DNAH8: variants seen among roughly 807,000 people sequenced by gnomAD.
DNAH8 encodes dynein axonemal heavy chain 8.
In DNAH8, 382 loss-of-function variants were observed where a neutral mutation model predicts 562.1. That is an observed-to-expected ratio of 0.68 (90% CI 0.63 to 0.74). DNAH8 has a LOEUF of 0.74. DNAH8 is among the 30% of genes least tolerant of loss of function. The probability of loss-of-function intolerance (pLI) is 0.00; values close to 1 mark genes in which losing one functional copy is unlikely to be tolerated. For missense variants in DNAH8, 5,203 were observed against 5,620.4 expected (o/e 0.93, Z 2.37); for synonymous variants, 1,881 against 1,919.4 (o/e 0.98, Z 0.52).
intron 18 of DNAH8, among the ~76,000 whole-genome samples, chr6:38,787,479 A>G (rs9380772): frequency 0.11 from 16,778 of 152,050 alleles, 1,344 homozygotes; most frequent in East Asian, 0.37. Context: ...TAATCCCAGC[A>G]CTTTGGGAGG....
rs540607923 is a variant in DNAH8 at position 38,772,281 on chromosome 6, A to G, written c.1764+1722A>G. 1.5e-3 allele frequency among the ~76,000 whole-genome samples: 220 copies of G among 150,830 alleles called. 2 individuals are homozygous for G. Among genetic ancestry groups the G allele is most frequent in the African/African-American group, 5.2e-3 (214 of 41,090 alleles). On this transcript the variant is annotated intron_variant, in intron 12 of 92. Coordinates refer to ENST00000327475, the MANE Select transcript of DNAH8 (RefSeq NM_001206927.2). ...CTGACCTTGTGATCCACCCACCTCG[A>G]CCTCCCAAAGTGCTGGGATTACAGG...
chr6:38,768,140 A>G (rs1334294400), intron 11 of DNAH8, among the ~76,000 whole-genome samples: 3 of 151,586 alleles, frequency 2.0e-5, no homozygotes, highest in Admixed American at 1.3e-4. Context: ...TCCATTTTTG[A>G]ATTGGGTTGT....
At chr6:38,945,935 T>A (rs912020567) in intron 80 of DNAH8, among the ~76,000 whole-genome samples, 3 of 152,232 alleles carry the variant, frequency 2.0e-5, no homozygotes, top group African/African-American at 7.2e-5. Context: ...AAGTGATTTG[T>A]ACAGATTTGA....
At chr6:38,823,431 T>A (rs769561867) in intron 27 of DNAH8, 131 bp from the exon 28 acceptor site, 302 of 677,816 alleles carry the variant, frequency 4.5e-4, no homozygotes, top group South Asian at 5.7e-4. Flanking sequence ...GACACCCTAT[T>A]TCTTACCCAG....
chr6:38,782,376 G>A (rs1487169838), intron 16 of DNAH8, among the ~76,000 whole-genome samples: 1 of 152,092 alleles, frequency 6.6e-6, no homozygotes, highest in Non-Finnish European at 1.5e-5. Context: ...CGCATCCTGG[G>A]TTCAAGCAAT....
chr6:38,837,889 T>C (rs1046981529), intron 32 of DNAH8, 53 bp from the exon 33 acceptor site: 2 of 1,250,278 alleles, frequency 1.6e-6, no homozygotes, highest in African/African-American at 3.0e-5. Context: ...AATTCCACTT[T>C]AATTCTACTG....
intron 52 of DNAH8, among the ~76,000 whole-genome samples, chr6:38,874,510 C>T (rs1179964069): frequency 6.6e-6 from 1 of 151,444 alleles, no homozygotes; most frequent in African/African-American, 2.4e-5. Flanking sequence ...GTTGGGGCTA[C>T]AGGCACACAC....
chr6:38,987,770 C>T (rs1205411321), intron 87 of DNAH8, among the ~76,000 whole-genome samples: 1 of 152,194 alleles, frequency 6.6e-6, no homozygotes, highest in African/African-American at 2.4e-5. Context: ...TACATCCTCT[C>T]CAACCTCCTG....
intron 7 of DNAH8, among the ~76,000 whole-genome samples, chr6:38,741,390 G>A (rs992011855): frequency 4.0e-5 from 6 of 151,462 alleles, no homozygotes; most frequent in African/African-American, 7.3e-5. Flanking sequence ...GCAGCAGAGC[G>A]AGACCCTGCC....
chr6:38,937,078 A>G (rs1017116943), intron 77 of DNAH8, among the ~76,000 whole-genome samples: 13 of 152,312 alleles, frequency 8.5e-5, no homozygotes, highest in Admixed American at 7.2e-4. Context: ...ACTGGAAACC[A>G]TCATTCTCAG....
intron 12 of DNAH8, 35 bp from the exon 13 acceptor site, chr6:38,775,719 A>G: frequency 7.1e-7 from 1 of 1,416,114 alleles, no homozygotes; most frequent in Non-Finnish European, 9.8e-7. Context: ...CTGCTATCTC[A>G]TTTAAAAAAG....
chr6:38,772,971 CTTTTTTTTTTTT>C (rs58784448), intron 12 of DNAH8, among the ~76,000 whole-genome samples: 5 of 88,084 alleles, frequency 5.7e-5, no homozygotes, highest in Admixed American at 1.3e-4. Context: ...GCTAATTAAA[CTTTTTTTTTTTT>C]TTTTTTTTTT....
At chr6:39,004,515 A>G (rs1054704937) in intron 88 of DNAH8, among the ~76,000 whole-genome samples, 7 of 152,306 alleles carry the variant, frequency 4.6e-5, no homozygotes, top group Admixed American at 4.6e-4. Context: ...TTGTATGAAA[A>G]TGCCTTATTT....
intron 92 of DNAH8, among the ~76,000 whole-genome samples, chr6:39,029,480 C>T (rs953993785): frequency 1.3e-5 from 2 of 152,172 alleles, no homozygotes; most frequent in African/African-American, 4.8e-5. Context: ...TTTTTCTGCA[C>T]CTATGCATCT....
chr6:38,790,025 T>TTC (rs1199752359), intron 19 of DNAH8, 142 bp downstream of exon 19: 3 of 669,704 alleles, frequency 4.5e-6, no homozygotes, highest in Non-Finnish European at 7.4e-6. Flanking sequence ...GTTTTTTTTT[T>TTC]TTCTGCAGAA....
At chr6:38,877,994 C>T (rs997870359) in intron 53 of DNAH8, among the ~76,000 whole-genome samples, 1 of 152,098 alleles carries the variant, frequency 6.6e-6, no homozygotes, top group Non-Finnish European at 1.5e-5. Flanking sequence ...TTGGCTGTCT[C>T]ACCAAATGAG....
In DNAH8 at chr6:38,915,397, C is replaced by G. The variant is rs1393166492; in HGVS notation, c.10140+20C>G. Reference sequence around the variant, plus strand: ...CTGAATGTGAGCAGTGCATTGTTACCCCTTCCAACACAAGTCCTAGAAGGC... The same window carrying G: ...CTGAATGTGAGCAGTGCATTGTTACGCCTTCCAACACAAGTCCTAGAAGGC... On this transcript the variant is annotated intron_variant, in intron 68 of 92. Coordinates refer to ENST00000327475, the MANE Select transcript of DNAH8 (RefSeq NM_001206927.2). The G allele has an allele frequency of 5.9e-6, 9 of 1,517,438 alleles. No homozygotes were observed. Among genetic ancestry groups the G allele is most frequent in the African/African-American group, 1.4e-5 (1 of 70,122 alleles). 94.0% of individuals were successfully genotyped at this position (1,517,438 alleles called of 1,614,324 possible).
intron 7 of DNAH8, among the ~76,000 whole-genome samples, chr6:38,738,685 G>A (rs1408825328): frequency 6.6e-6 from 1 of 152,156 alleles, no homozygotes; most frequent in African/African-American, 2.4e-5. Flanking sequence ...CCAGGCAGGA[G>A]GTACAGAAAA....
At chr6:38,877,635 T>C (rs1030492251) in intron 53 of DNAH8, among the ~76,000 whole-genome samples, 2 of 152,214 alleles carry the variant, frequency 1.3e-5, no homozygotes, top group Non-Finnish European at 2.9e-5. Flanking sequence ...CCCTAACATG[T>C]CCACTCAGCT....
Sources: allele counts gnomAD v4.1 joint callset (sites outside exome capture counted in the v4.1 genomes callset), GRCh38; gene constraint gnomAD v4.1.1; transcripts MANE v1.5; gene names NCBI Gene and HGNC (gene_info 2026-07-23, HGNC 2026-07-21).